The following RRBP1 variants were observed in gnomAD, a reference collection of about 807,000 sequenced individuals.
RRBP1 encodes ribosome binding protein 1, also known as ribosome-binding protein 1.
RRBP1 carries 94 observed loss-of-function variants against 165.2 expected under a neutral mutation model. That is an observed-to-expected ratio of 0.57 (90% CI 0.48 to 0.68). The LOEUF (loss-of-function observed/expected upper bound fraction) is 0.68, where lower values mean the gene tolerates loss of function less well. Ranked by LOEUF, RRBP1 falls within the 30% of genes least tolerant of loss-of-function variation. The pLI is 0.00. For synonymous variants in RRBP1, 680 were observed against 714.5 expected (o/e 0.95, Z 0.77); for missense variants, 1,676 against 1,763.0 (o/e 0.95, Z 0.88).
Position 17,638,050 on chromosome 20 carries a change from C to G in RRBP1, c.2185-1321G>C, listed in dbSNP as rs144474469. Reference sequence around the variant, plus strand: ...GGACTGTACAAGACCAAGGGGTTCCCAGAAAGGGGAGGAATGAGGACGCCT... The same window carrying G: ...GGACTGTACAAGACCAAGGGGTTCCGAGAAAGGGGAGGAATGAGGACGCCT... On this transcript the variant is annotated intron_variant, in intron 5 of 24. Transcript: ENST00000377813. Among the ~76,000 whole-genome samples, 259 of 152,282 alleles carry G rather than the reference C, an allele frequency of 1.7e-3. 1 individual carries two copies. Among genetic ancestry groups the G allele is most frequent in the African/African-American group, 5.8e-3 (239 of 41,550 alleles).
intron 21 of RRBP1, 131 bp from the exon 22 acceptor site, chr20:17,616,140 G>T: frequency 1.4e-6 from 1 of 739,260 alleles, no homozygotes; most frequent in Non-Finnish European, 2.2e-6. Flanking sequence ...TCCCCTCGTT[G>T]GGGAGAGGGC....
At chr20:17,676,142 G>C (rs1409969771) in intron 2 of RRBP1, among the ~76,000 whole-genome samples, 1 of 152,230 alleles carries the variant, frequency 6.6e-6, no homozygotes, top group East Asian at 1.9e-4. Context: ...CTGCAATGTT[G>C]TAACTGCAGT....
At chr20:17,662,657 G>A (rs2036787671) in intron 2 of RRBP1, among the ~76,000 whole-genome samples, 1 of 152,116 alleles carries the variant, frequency 6.6e-6, no homozygotes, top group Admixed American at 6.5e-5. Flanking sequence ...ACCAGGAACT[G>A]GCCTTCCGAG....
intron 6 of RRBP1, 115 bp downstream of exon 6, chr20:17,636,461 TG>T: frequency 8.0e-7 from 1 of 1,254,238 alleles, no homozygotes; most frequent in Non-Finnish European, 1.1e-6. Context: ...CAGACCCCTG[TG>T]GGCATCCTCA....
At chr20:17,625,426 G>T in intron 12 of RRBP1, 86 bp downstream of exon 12, 1 of 1,171,064 alleles carries the variant, frequency 8.5e-7, no homozygotes, top group South Asian at 1.3e-5. Context: ...CCCGAGTCCA[G>T]GGCGGGTGCC....
chr20:17,625,914 G>C (rs899470381), intron 11 of RRBP1, among the ~76,000 whole-genome samples: 5 of 152,106 alleles, frequency 3.3e-5, no homozygotes, highest in East Asian at 1.9e-4. Context: ...AGCTCTCCTG[G>C]GGCCCTCACA....
intron 2 of RRBP1, among the ~76,000 whole-genome samples, chr20:17,660,820 T>C (rs576577831): frequency 6.6e-6 from 1 of 152,258 alleles, no homozygotes; most frequent in Admixed American, 6.5e-5. Context: ...TCAGCAGCCA[T>C]GACCCTGATG....
intron 13 of RRBP1, chr20:17,623,130 A>T (rs1036454645): frequency 6.6e-6 from 1 of 152,244 alleles, no homozygotes; most frequent in Non-Finnish European, 1.5e-5. Flanking sequence ...CAATCAAGTC[A>T]GGTGACATCT....
chr20:17,639,961 C>A (rs2036320565), intron 5 of RRBP1, among the ~76,000 whole-genome samples: 1 of 151,286 alleles, frequency 6.6e-6, no homozygotes, highest in African/African-American at 2.4e-5. Flanking sequence ...CAACAGAGAG[C>A]ACGAGCACAG....
intron 21 of RRBP1, 49 bp downstream of exon 21, chr20:17,616,683 A>G (rs1331572150): frequency 4.6e-6 from 6 of 1,298,428 alleles, no homozygotes; most frequent in African/African-American, 3.0e-5. Flanking sequence ...CAGGGCCTGC[A>G]CTCTTCTGGG....
Position 17,658,961 on chromosome 20 carries a change from T to C in RRBP1, c.1547A>G (p.Gln516Arg). 1 of 1,612,704 alleles carries C rather than the reference T, an allele frequency of 6.2e-7. No homozygotes were observed. Among genetic ancestry groups the C allele is most frequent in the Non-Finnish European group, 8.5e-7 (1 of 1,179,770 alleles). ...QNQGQKGEGAQNQGKKTEGAQ... is the reference protein window; with the variant it reads ...QNQGQKGEGARNQGKKTEGAQ... ...CCCTTCTGTCTTTTTACCCTGATTC[T>C]GGGCTCCCTCTCCTTTTTGGCCCTG... is the stretch of plus-strand genomic sequence containing the variant. Residue 516 changes from glutamine (Q) to arginine (R), a missense_variant, in exon 3 of 25, where the codon CAG becomes CGG. By Grantham distance (43) the Gln-to-Arg change is conservative (BLOSUM62 1). Transcript: ENST00000377813.
intron 8 of RRBP1, 140 bp from the exon 9 acceptor site, chr20:17,630,101 C>T: frequency 1.1e-6 from 1 of 897,634 alleles, no homozygotes; most frequent in East Asian, 2.7e-5. Context: ...GAAATGCATC[C>T]CTCGAGGCTC....
At chr20:17,657,424 GA>G (rs1426763188) in intron 3 of RRBP1, among the ~76,000 whole-genome samples, 1 of 152,192 alleles carries the variant, frequency 6.6e-6, no homozygotes, top group Non-Finnish European at 1.5e-5. Flanking sequence ...GCAAGATAGG[GA>G]AGCCCAGCTA....
chr20:17,648,267 T>C (rs559145374), intron 3 of RRBP1, among the ~76,000 whole-genome samples: 1 of 152,340 alleles, frequency 6.6e-6, no homozygotes, highest in Non-Finnish European at 1.5e-5. Context: ...CCTGAGCCTG[T>C]GGGGGAAGTG....
intron 12 of RRBP1, among the ~76,000 whole-genome samples, 172 bp downstream of exon 12, chr20:17,625,338 CAG>C (rs1269382972): frequency 6.6e-6 from 1 of 152,118 alleles, no homozygotes; most frequent in Non-Finnish European, 1.5e-5. Flanking sequence ...TGGCGGAACT[CAG>C]GGGTGAGTAG....
At chr20:17,675,981 G>A (rs909542723) in intron 2 of RRBP1, among the ~76,000 whole-genome samples, 1 of 152,234 alleles carries the variant, frequency 6.6e-6, no homozygotes, top group African/African-American at 2.4e-5. Flanking sequence ...GCCAAGGCAG[G>A]AGGACTCCTT....
At chr20:17,660,799 G>A (rs953251524) in intron 2 of RRBP1, among the ~76,000 whole-genome samples, 2 of 152,126 alleles carry the variant, frequency 1.3e-5, no homozygotes, top group Admixed American at 6.5e-5. Flanking sequence ...GAGCACACAC[G>A]CCCAGGAGCC....
chr20:17,628,753 A>C (rs779675867), intron 9 of RRBP1, among the ~76,000 whole-genome samples: 2 of 152,346 alleles, frequency 1.3e-5, no homozygotes, highest in Admixed American at 1.3e-4. Flanking sequence ...TGCCTCAGAG[A>C]GTCTCCAGGA....
intron 3 of RRBP1, among the ~76,000 whole-genome samples, chr20:17,654,310 T>A (rs759704453): frequency 3.3e-5 from 5 of 151,824 alleles, no homozygotes; most frequent in Non-Finnish European, 7.4e-5. Flanking sequence ...TAAGCCAGAG[T>A]CCTAAATGCT....
Sources: allele counts gnomAD v4.1 joint callset (sites outside exome capture counted in the v4.1 genomes callset), GRCh38; gene constraint gnomAD v4.1.1; transcripts MANE v1.5; gene names NCBI Gene and HGNC (gene_info 2026-07-23, HGNC 2026-07-21).